HDLBP: variants seen among roughly 807,000 people sequenced by gnomAD.
HDLBP encodes vigilin.
Under a neutral mutation model 137.3 loss-of-function variants are expected in HDLBP, and 30 were observed. The ratio of observed to expected loss-of-function variants is 0.22; its 90% CI spans 0.16 to 0.30. The LOEUF is 0.30. Among genes scored for constraint, HDLBP ranks in the 10% least tolerant of loss-of-function variants. HDLBP has a pLI of 1.00. For missense variants in HDLBP, 1,119 were observed against 1,667.3 expected (o/e 0.67, Z 5.73); for synonymous variants, 606 against 596.0 (o/e 1.02, Z -0.24).
intron 1 of HDLBP, among the ~76,000 whole-genome samples, chr2:241,312,996 C>T (rs992128264): frequency 2.0e-5 from 3 of 152,180 alleles, no homozygotes; most frequent in African/African-American, 7.2e-5. Flanking sequence ...AAACCTGTTG[C>T]TCACGTATGC....
intron 5 of HDLBP, among the ~76,000 whole-genome samples, chr2:241,259,651 T>C (rs1393245236): frequency 6.6e-6 from 1 of 152,170 alleles, no homozygotes; most frequent in African/African-American, 2.4e-5. Flanking sequence ...CCACCACTAT[T>C]TTTTGTAGAG....
rs536073376 is a variant in HDLBP at position 241,268,044 on chromosome 2, G to A, written c.-38+433C>T. On this transcript the variant is annotated intron_variant, in intron 2 of 27. Transcript: ENST00000310931. The stretch of plus-strand genomic sequence containing the variant: ...GTGAGCTCCAAACTACTACAGTGAG[G>A]AAGAACCCATTTTCTTTACACAATT... The A allele has an allele frequency of 2.3e-5, 19 of 820,810 alleles. No individual in the cohort carries two copies. In the South Asian group the frequency reaches 8.9e-4, roughly 39 times the overall value. 50.8% of individuals were successfully genotyped at this position (820,810 alleles called of 1,614,324 possible). A position where few individuals can be genotyped will look rare whatever the true frequency, so the allele number is the denominator to read the frequency against.
At chr2:241,243,459 G>A (rs1187461984) in intron 16 of HDLBP, 1 of 152,542 alleles carries the variant, frequency 6.6e-6, no homozygotes, top group Non-Finnish European at 1.5e-5. Context: ...AGGAAACAGT[G>A]CTTTTAGCTC....
At chr2:241,299,201 T>C (rs1210920794) in intron 1 of HDLBP, among the ~76,000 whole-genome samples, 4 of 152,158 alleles carry the variant, frequency 2.6e-5, no homozygotes, top group Non-Finnish European at 4.4e-5. Context: ...ATGGAGGATA[T>C]GTACTACTAC....
intron 1 of HDLBP, among the ~76,000 whole-genome samples, chr2:241,285,317 C>G (rs975545022): frequency 1.3e-5 from 2 of 152,252 alleles, no homozygotes; most frequent in African/African-American, 4.8e-5. Context: ...TATCACAAAC[C>G]TGCAGTGTCT....
intron 1 of HDLBP, among the ~76,000 whole-genome samples, chr2:241,312,587 T>C (rs1040212530): frequency 6.6e-6 from 1 of 152,244 alleles, no homozygotes; most frequent in Non-Finnish European, 1.5e-5. Context: ...TTGGACTTTG[T>C]GTCATCATAA....
In HDLBP at chr2:241,282,755, TAATC is replaced by T. The variant is rs1481380361; in HGVS notation, c.-102-14218_-102-14215del. ...CCACGCTCATACAAGGCAGAGAACT[TAATC>T]AATCAATGCTGTGTGTGTTCTGACT... On this transcript the variant is annotated intron_variant, in intron 1 of 27. Coordinates refer to ENST00000310931, the MANE Select transcript of HDLBP (RefSeq NM_005336.6). Among the ~76,000 whole-genome samples the T allele has an allele frequency of 6.6e-5, 10 of 152,282 alleles. No individual in the cohort carries two copies. In the South Asian group the frequency reaches 8.3e-4, roughly 13 times the overall value.
At chr2:241,260,760 C>T (rs747943610) in intron 5 of HDLBP, among the ~76,000 whole-genome samples, 30 of 152,144 alleles carry the variant, frequency 2.0e-4, no homozygotes, top group Non-Finnish European at 3.1e-4. Flanking sequence ...CTCAGCACCA[C>T]CTACAGGGTC....
chr2:241,303,364 C>A (rs1289871685), intron 1 of HDLBP, among the ~76,000 whole-genome samples: 1 of 152,176 alleles, frequency 6.6e-6, no homozygotes, highest in East Asian at 1.9e-4. Flanking sequence ...CCCCAGCCCA[C>A]CCACACCATA....
At chr2:241,312,886 A>C (rs1440162245) in intron 1 of HDLBP, among the ~76,000 whole-genome samples, 2 of 152,222 alleles carry the variant, frequency 1.3e-5, no homozygotes, top group Non-Finnish European at 2.9e-5. Context: ...TTCAGGTCAG[A>C]GTATCTTAGA....
At chr2:241,247,426 G>A (rs1238868975) in intron 14 of HDLBP, 4 of 444,692 alleles carry the variant, frequency 9.0e-6, no homozygotes, top group South Asian at 2.2e-5. Context: ...AACACACATG[G>A]AGACAGCACG....
At chr2:241,295,045 T>C (rs1344337856) in intron 1 of HDLBP, among the ~76,000 whole-genome samples, 5 of 152,078 alleles carry the variant, frequency 3.3e-5, no homozygotes, top group African/African-American at 1.2e-4. Flanking sequence ...GAGGCTGCAG[T>C]GAGCCGAGAT....
chr2:241,273,850 G>GT lies in HDLBP; in HGVS notation c.-102-5310dup, dbSNP rs1291587774. 8.2e-4 allele frequency among the ~76,000 whole-genome samples: 120 copies of GT among 145,494 alleles called. 1 individual carries two copies. The highest frequency in any genetic ancestry group is 2.7e-4 in the Admixed American group (4 of 14,922). On this transcript the variant is annotated intron_variant, in intron 1 of 27. Coordinates refer to ENST00000310931, the MANE Select transcript of HDLBP (RefSeq NM_005336.6). ...CAAGCAGCAGAAGGCAGGATCAGAC[G>GT]TGTTTTTTTTTTTTTCGTGGAACAC... is the stretch of plus-strand genomic sequence containing the variant.
intron 1 of HDLBP, among the ~76,000 whole-genome samples, chr2:241,305,706 T>C (rs1489143948): frequency 6.6e-6 from 1 of 151,626 alleles, no homozygotes; most frequent in African/African-American, 2.4e-5. Context: ...CTGCTAGAAA[T>C]AAATAGCGTG....
chr2:241,303,051 A>G (rs752547848), intron 1 of HDLBP, among the ~76,000 whole-genome samples: 5 of 152,180 alleles, frequency 3.3e-5, no homozygotes, highest in African/African-American at 7.2e-5. Context: ...TCACACCGCA[A>G]AAGTTCCCTA....
chr2:241,256,554 G>C, intron 6 of HDLBP, 46 bp downstream of exon 6: 2 of 1,591,758 alleles, frequency 1.3e-6, no homozygotes, highest in Non-Finnish European at 1.7e-6. Flanking sequence ...AGTGAGGTCT[G>C]CACAAGCAGG....
Position 241,264,352 on chromosome 2 carries a change from ACT to A in HDLBP, c.234+94_234+95del, listed in dbSNP as rs796486290. The A allele has an allele frequency of 1.7e-4, 143 of 839,910 alleles. 1 individual carries two copies. In the African/African-American group the frequency reaches 2.2e-3, roughly 13 times the overall value. 52.0% of individuals were successfully genotyped at this position (839,910 alleles called of 1,614,324 possible). ...ACTCCAGCCTGGGCGACAGAGCGGG[ACT>A]CTGTCTCAAAAAAAAAAAAAAGAAA... On this transcript the variant is annotated intron_variant, in intron 4 of 27. Transcript: ENST00000310931.
rs2073712593 is a variant in HDLBP at position 241,266,886 on chromosome 2, A to G, written c.-17T>C. The G allele has an allele frequency of 6.2e-7, 1 of 1,613,654 alleles. No individual in the cohort carries two copies. The highest frequency in any genetic ancestry group is 1.3e-5 in the African/African-American group (1 of 74,936). On this transcript the variant is annotated 5_prime_UTR_variant, in exon 3 of 28. Transcript: ENST00000310931. ...GGAACTCATGGTTGATCTCACACCT[A>G]CACACAATCCGGGAAAACCACTAAA...
intron 1 of HDLBP, among the ~76,000 whole-genome samples, chr2:241,302,104 A>T (rs553335777): frequency 1.5e-3 from 224 of 147,806 alleles, no homozygotes; most frequent in Admixed American, 2.9e-3. Flanking sequence ...AAAAAAAAAA[A>T]TTTAATTAGC....
Sources: allele counts gnomAD v4.1 joint callset (sites outside exome capture counted in the v4.1 genomes callset), GRCh38; gene constraint gnomAD v4.1.1; transcripts MANE v1.5; gene names NCBI Gene and HGNC (gene_info 2026-07-23, HGNC 2026-07-21).